The following KIAA0586 variants were observed in gnomAD, a reference collection of about 807,000 sequenced individuals.
The protein encoded by KIAA0586 is protein TALPID3.
KIAA0586 carries 144 observed loss-of-function variants against 169.8 expected under a neutral mutation model. The observed-to-expected ratio is 0.85, with a 90% confidence interval of 0.74 to 0.97. The LOEUF (loss-of-function observed/expected upper bound fraction) is 0.97, where lower values mean the gene tolerates loss of function less well. Ranked by LOEUF, KIAA0586 falls within the 50% of genes least tolerant of loss-of-function variation. The pLI is 0.00. For synonymous variants in KIAA0586, 625 were observed against 612.4 expected, an observed-to-expected ratio of 1.02 and a Z score of -0.30; for missense variants, 1,854 against 1,823.0, an observed-to-expected ratio of 1.02 and a Z score of -0.31.
At chr14:58,477,880 C>G (rs1032108895) in intron 20 of KIAA0586, among the ~76,000 whole-genome samples, 1 of 151,662 alleles carries the variant, frequency 6.6e-6, no homozygotes, top group Non-Finnish European at 1.5e-5. Context: ...TCTCCCCATT[C>G]TCTTCCCCAT....
intron 4 of KIAA0586, chr14:58,439,847 G>A (rs1464326830): frequency 2.0e-6 from 2 of 983,882 alleles, no homozygotes; most frequent in Admixed American, 6.2e-5. Context: ...GAGATGGAAT[G>A]TATTCCTGCC....
At chr14:58,450,505 G>A (rs1021803527) in intron 7 of KIAA0586, 74 bp from the exon 8 acceptor site, 7 of 787,776 alleles carry the variant, frequency 8.9e-6, no homozygotes, top group Middle Eastern at 2.4e-4. Context: ...TTAAAGTATA[G>A]GCAAGAGTAA....
At position 58,453,423 on chromosome 14, in the gene KIAA0586, C is replaced by A; in HGVS notation, c.1203C>A (p.Thr401=). The A allele has an allele frequency of 6.6e-7, 1 of 1,515,834 alleles. No individual in the cohort carries two copies. The highest frequency in any genetic ancestry group is 8.9e-7 in the Non-Finnish European group (1 of 1,125,072). 93.9% of individuals were successfully genotyped at this position (1,515,834 alleles called of 1,614,324 possible). ...CAAGAAAAAGTGAATCATCAAACAC[C>A]ACCTCACTAACTAGGTCAAAAATAG... ...SLTRKSESSN[T]TSLTRSKIGW... is the part of the protein sequence containing the mutation. Residue 401 remains threonine, a synonymous_variant, in exon 9 of 31, where the codon ACC becomes ACA. Transcript: ENST00000652326.
chr14:58,453,072 C>G (rs2039533295), intron 8 of KIAA0586, among the ~76,000 whole-genome samples: 1 of 151,822 alleles, frequency 6.6e-6, no homozygotes, highest in Non-Finnish European at 1.5e-5. Context: ...CACGCACCAC[C>G]ATACCCAGCT....
chr14:58,464,432 A>G (rs1232720332), intron 14 of KIAA0586, among the ~76,000 whole-genome samples: 1 of 151,982 alleles, frequency 6.6e-6, no homozygotes, highest in Non-Finnish European at 1.5e-5. Flanking sequence ...TTAAAAAAAA[A>G]AAAGCACCCA....
At position 58,427,903 on chromosome 14, in the gene KIAA0586, C is replaced by T. The variant is rs1482936442; in HGVS notation, c.-362C>T. 1 of 1,359,940 alleles carries T rather than the reference C, an allele frequency of 7.4e-7. No individual in the cohort carries two copies. Among genetic ancestry groups the T allele is most frequent in the Non-Finnish European group, 9.6e-7 (1 of 1,037,104 alleles). The allele number at this position is 1,359,940 out of a possible 1,614,324, so 84.2% of individuals were successfully genotyped here. A position where few individuals can be genotyped will look rare whatever the true frequency, so the allele number is the denominator to read the frequency against. On this transcript the variant is annotated 5_prime_UTR_variant, in exon 1 of 31. Coordinates refer to ENST00000652326, the MANE Select transcript of KIAA0586 (RefSeq NM_001329943.3). ...TAGCATTTCGCTTTTATTTGCTTGA[C>T]TGCCTCTTCTCAACAAATTTTAAGC...
At position 58,460,077 on chromosome 14, in the gene KIAA0586, TC is replaced by T; in HGVS notation, c.1884+9del. On this transcript the variant is annotated splice_region_variant and intron_variant, in intron 13 of 30. Coordinates refer to ENST00000652326, the MANE Select transcript of KIAA0586 (RefSeq NM_001329943.3). ...ACAGAAAGAGAGAAAGGAAGTAAGA[TC>T]CTAATCTGTTCTTTTAACATAATTG... 7.2e-7 allele frequency: 1 copy of T among 1,396,020 alleles called. No individual in the cohort carries two copies. Among genetic ancestry groups the T allele is most frequent in the Non-Finnish European group, 9.7e-7 (1 of 1,029,264 alleles). 86.5% of individuals were successfully genotyped at this position (1,396,020 alleles called of 1,614,324 possible). A position where few individuals can be genotyped will look rare whatever the true frequency, so the allele number is the denominator to read the frequency against.
chr14:58,521,077 G>A (rs1336913436), intron 29 of KIAA0586: 20 of 418,878 alleles, frequency 4.8e-5, no homozygotes, highest in Non-Finnish European at 7.6e-5. Context: ...CCGCCTTGCC[G>A]ACCTTGAGCA....
At chr14:58,469,170 C>T in intron 16 of KIAA0586, among the ~76,000 whole-genome samples, 1 of 152,206 alleles carries the variant, frequency 6.6e-6, no homozygotes, top group East Asian at 1.9e-4. Flanking sequence ...GCTCCACAAA[C>T]ACTTCGTTCT....
chr14:58,494,249 G>T (rs1284381731), intron 26 of KIAA0586, among the ~76,000 whole-genome samples: 1 of 149,848 alleles, frequency 6.7e-6, no homozygotes, highest in Non-Finnish European at 1.5e-5. Flanking sequence ...AATCTGATCT[G>T]CTAACTATTA....
At chr14:58,497,363 CTT>C (rs768776477) in intron 26 of KIAA0586, among the ~76,000 whole-genome samples, 11 of 141,738 alleles carry the variant, frequency 7.8e-5, no homozygotes, top group Non-Finnish European at 7.8e-5. Context: ...AATCTGTATA[CTT>C]TTTTTTTTTT....
intron 29 of KIAA0586, among the ~76,000 whole-genome samples, chr14:58,513,668 A>T (rs1286763785): frequency 6.6e-6 from 1 of 151,992 alleles, no homozygotes; most frequent in African/African-American, 2.4e-5. Flanking sequence ...TTTAAGAATT[A>T]ATCATGATAG....
At chr14:58,477,295 C>A in intron 20 of KIAA0586, 54 bp downstream of exon 20, 1 of 923,348 alleles carries the variant, frequency 1.1e-6, no homozygotes, top group Non-Finnish European at 1.7e-6. Context: ...AGCTTTAGTT[C>A]ATCGTGGATT....
chr14:58,475,932 A>C (rs2041581947), intron 19 of KIAA0586, among the ~76,000 whole-genome samples: 1 of 152,032 alleles, frequency 6.6e-6, no homozygotes, highest in Admixed American at 6.6e-5. Context: ...AAACCCCGTC[A>C]CTACTGAAAA....
intron 14 of KIAA0586, among the ~76,000 whole-genome samples, chr14:58,465,184 A>G (rs183243334): frequency 2.0e-5 from 3 of 152,352 alleles, no homozygotes; most frequent in Admixed American, 2.0e-4. Context: ...AAGAGAAACC[A>G]CAGATAAGGA....
At chr14:58,458,066 ATTAG>A in intron 11 of KIAA0586, 87 bp downstream of exon 11, 5 of 819,748 alleles carry the variant, frequency 6.1e-6, no homozygotes, top group Non-Finnish European at 9.5e-6. Context: ...GTATTTTCCT[ATTAG>A]TTTTCATATT....
intron 28 of KIAA0586, among the ~76,000 whole-genome samples, chr14:58,511,282 G>A (rs1391719261): frequency 6.6e-6 from 1 of 152,124 alleles, no homozygotes; most frequent in Non-Finnish European, 1.5e-5. Context: ...AGGGACTTAT[G>A]GTTAGTAATA....
At chr14:58,509,417 A>G (rs560046998) in intron 28 of KIAA0586, among the ~76,000 whole-genome samples, 1 of 152,286 alleles carries the variant, frequency 6.6e-6, no homozygotes, top group East Asian at 1.9e-4. Flanking sequence ...TTTAATGCTG[A>G]GGTAAGCCAA....
At chr14:58,467,189 G>A (rs930707584) in intron 15 of KIAA0586, among the ~76,000 whole-genome samples, 5 of 151,996 alleles carry the variant, frequency 3.3e-5, no homozygotes, top group East Asian at 1.9e-4. Context: ...CTGTGTGCCC[G>A]GTACAGTTCT....
Sources: gnomAD v4.1 joint callset for allele counts (sites outside exome capture counted in the v4.1 genomes callset) on GRCh38, gnomAD v4.1.1 for gene constraint, MANE v1.5 for transcripts, NCBI Gene and HGNC (gene_info 2026-07-23, HGNC 2026-07-21) for gene names.